PACS1: variants seen among roughly 807,000 people sequenced by gnomAD.
The protein encoded by PACS1 is PACS-1.
PACS1 carries 24 observed loss-of-function variants against 115.0 expected under a neutral mutation model. The observed-to-expected ratio is 0.21, with a 90% confidence interval of 0.15 to 0.29. PACS1 has a LOEUF of 0.29. Ranked by LOEUF, PACS1 falls within the 10% of genes least tolerant of loss-of-function variation. PACS1 has a pLI of 1.00. For synonymous variants in PACS1, 453 were observed against 504.5 expected (o/e 0.90, Z 1.37); for missense variants, 838 against 1,251.2 (o/e 0.67, Z 4.98).
chr11:66,136,258 C>T lies in PACS1; in HGVS notation c.357-57228C>T, dbSNP rs919357877. Among the ~76,000 whole-genome samples the T allele has an allele frequency of 1.7e-4, 25 of 144,250 alleles. 2 individuals carry two copies. Among genetic ancestry groups the T allele is most frequent in the Admixed American group, 1.7e-3 (24 of 14,460 alleles). The allele number at this position is 144,250 out of a possible 152,430, so 94.6% of individuals were successfully genotyped here. On this transcript the variant is annotated intron_variant, in intron 1 of 23. Transcript: ENST00000320580. ...AATGTGAAACAGGACTGCCCAATCC[C>T]GCTAACACACACACACACACACACA...
chr11:66,210,233 CTATGT>C, intron 2 of PACS1, 124 bp from the exon 3 acceptor site: 2 of 680,244 alleles, frequency 2.9e-6, no homozygotes, highest in South Asian at 3.2e-5. Flanking sequence ...AGGAGTCTCA[CTATGT>C]TGCCCCAGGC....
At chr11:66,207,101 A>G (rs1854958557) in intron 2 of PACS1, among the ~76,000 whole-genome samples, 1 of 152,132 alleles carries the variant, frequency 6.6e-6, no homozygotes, top group South Asian at 2.1e-4. Flanking sequence ...ACATCATAAC[A>G]TTTCACCCAC....
chr11:66,232,384 C>A (rs1855615658), intron 14 of PACS1, 108 bp downstream of exon 14: 2 of 658,726 alleles, frequency 3.0e-6, no homozygotes, highest in Non-Finnish European at 5.4e-6. Context: ...GGGGAACTCA[C>A]CCCTCCATCA....
intron 1 of PACS1, among the ~76,000 whole-genome samples, chr11:66,099,154 C>A (rs1404721985): frequency 6.6e-6 from 1 of 152,204 alleles, no homozygotes; most frequent in East Asian, 1.9e-4. Context: ...AGCAGTTCTC[C>A]TGCCTCAGCC....
intron 11 of PACS1, 149 bp downstream of exon 11, chr11:66,227,733 C>A: frequency 1.8e-6 from 1 of 558,936 alleles, no homozygotes; most frequent in South Asian, 2.6e-5. Flanking sequence ...CTCCTGAAAT[C>A]CTTACCCGTG....
chr11:66,172,011 T>C (rs979229992), intron 1 of PACS1, among the ~76,000 whole-genome samples: 3 of 152,208 alleles, frequency 2.0e-5, no homozygotes, highest in Non-Finnish European at 4.4e-5. Context: ...TCTGAAACAA[T>C]TAAAGGCCCT....
intron 1 of PACS1, among the ~76,000 whole-genome samples, chr11:66,119,533 G>A (rs1053319981): frequency 6.6e-6 from 1 of 152,210 alleles, no homozygotes; most frequent in South Asian, 2.1e-4. Context: ...CAAAAGGAAT[G>A]CATGAAATCC....
Position 66,096,697 on chromosome 11 carries a change from T to G in PACS1, c.356+25855T>G, listed in dbSNP as rs1450024575. Among the ~76,000 whole-genome samples, 3 of 151,320 alleles carry G rather than the reference T, an allele frequency of 2.0e-5. No homozygotes were observed. The East Asian group carries it at 5.9e-4, about 30-fold the overall frequency. On this transcript the variant is annotated intron_variant, in intron 1 of 23. Coordinates refer to ENST00000320580, the MANE Select transcript of PACS1 (RefSeq NM_018026.4). ...TTTTTTTATTTTGTGGAGACGGGGT[T>G]TCTCCATGTTGGTCAGGCTGGTCTC...
intron 1 of PACS1, among the ~76,000 whole-genome samples, chr11:66,123,723 G>A (rs574746219): frequency 3.3e-5 from 5 of 151,332 alleles, no homozygotes; most frequent in South Asian, 2.1e-4. Flanking sequence ...GGGTTTCACC[G>A]TGTTAGCCAG....
chr11:66,218,028 A>C (rs1855253400), intron 7 of PACS1: 1 of 166,680 alleles, frequency 6.0e-6, no homozygotes. Context: ...GGCACTTTCC[A>C]GTTCTATCCC....
chr11:66,127,680 T>C (rs150977093), intron 1 of PACS1, among the ~76,000 whole-genome samples: 1 of 152,302 alleles, frequency 6.6e-6, no homozygotes, highest in African/African-American at 2.4e-5. Flanking sequence ...GCTTGTCTCT[T>C]TGTAGGAACA....
At chr11:66,238,930 C>A in intron 20 of PACS1, 84 bp downstream of exon 20, 2 of 1,420,362 alleles carry the variant, frequency 1.4e-6, no homozygotes, top group Non-Finnish European at 1.9e-6. Flanking sequence ...AGAAGTTAAG[C>A]TCTGGATGCC....
chr11:66,126,189 A>C (rs1043145148), intron 1 of PACS1, among the ~76,000 whole-genome samples: 1 of 152,180 alleles, frequency 6.6e-6, no homozygotes, highest in Non-Finnish European at 1.5e-5. Flanking sequence ...CAGTGGTTTC[A>C]TAGTTGTATA....
chr11:66,229,529 A>G (rs1337018559), intron 11 of PACS1, among the ~76,000 whole-genome samples: 4 of 151,956 alleles, frequency 2.6e-5, no homozygotes, highest in Non-Finnish European at 5.9e-5. Flanking sequence ...TCTACTAAAA[A>G]TAAGCCGGGC....
intron 1 of PACS1, among the ~76,000 whole-genome samples, chr11:66,147,781 G>T (rs1859160064): frequency 6.6e-6 from 1 of 151,972 alleles, no homozygotes; most frequent in African/African-American, 2.4e-5. Context: ...ATAAGAGCTA[G>T]TATTTGCTAG....
chr11:66,074,945 T>TA (rs201713158), intron 1 of PACS1, among the ~76,000 whole-genome samples: 1 of 139,620 alleles, frequency 7.2e-6, no homozygotes, highest in Non-Finnish European at 1.6e-5. Context: ...TTTGGTGTTT[T>TA]TTTTTTTTTT....
chr11:66,072,067 A>C lies in PACS1; in HGVS notation c.356+1225A>C, dbSNP rs188424422. Among the ~76,000 whole-genome samples the C allele has an allele frequency of 1.9e-3, 287 of 152,264 alleles. 2 individuals carry two copies. The highest frequency in any genetic ancestry group is 2.2e-3 in the Non-Finnish European group (153 of 68,016). On this transcript the variant is annotated intron_variant, in intron 1 of 23. Coordinates refer to ENST00000320580, the MANE Select transcript of PACS1 (RefSeq NM_018026.4). ...TTTATCATTTCCCTTGTTAGAAAAAAATTAGTTTTACTACATAATGCATCT... is the reference window on the plus strand; with the variant it reads ...TTTATCATTTCCCTTGTTAGAAAAACATTAGTTTTACTACATAATGCATCT...
intron 22 of PACS1, 73 bp from the exon 23 acceptor site, chr11:66,242,839 C>G: frequency 3.8e-6 from 6 of 1,598,322 alleles, no homozygotes; most frequent in Non-Finnish European, 3.4e-6. Context: ...AAGAAGGGGA[C>G]AGTCGGCTGG....
In PACS1 at chr11:66,243,389, G is replaced by C; in HGVS notation, c.*109G>C. ...CCCAGCACCCCTTCCCTGGCACCAGGGTCTGCCTCTCACTCGCCCAGGTCC... is the reference window on the plus strand; with the variant it reads ...CCCAGCACCCCTTCCCTGGCACCAGCGTCTGCCTCTCACTCGCCCAGGTCC... On this transcript the variant is annotated 3_prime_UTR_variant, in exon 24 of 24. Transcript: ENST00000320580. The C allele has an allele frequency of 1.4e-6, 1 of 731,716 alleles. No homozygotes were observed. Among genetic ancestry groups the C allele is most frequent in the Non-Finnish European group, 2.3e-6 (1 of 435,840 alleles). The allele number at this position is 731,716 out of a possible 1,614,324, so 45.3% of individuals were successfully genotyped here.
Sources: gnomAD v4.1 joint callset for allele counts (sites outside exome capture counted in the v4.1 genomes callset) on GRCh38, gnomAD v4.1.1 for gene constraint, MANE v1.5 for transcripts, NCBI Gene and HGNC (gene_info 2026-07-23, HGNC 2026-07-21) for gene names.